DIS3L2: variants seen among roughly 807,000 people sequenced by gnomAD.
DIS3L2 encodes the protein DIS3 like 3'-5' exoribonuclease 2.
Under a neutral mutation model 97.5 loss-of-function variants are expected in DIS3L2, and 34 were observed. The ratio of observed to expected loss-of-function variants is 0.35; its 90% CI spans 0.27 to 0.46. The LOEUF (loss-of-function observed/expected upper bound fraction) is 0.46, where lower values mean the gene tolerates loss of function less well. DIS3L2 is among the 20% of genes least tolerant of loss of function. The pLI, the probability that DIS3L2 is intolerant of heterozygous loss-of-function variation, is 1.00. For synonymous variants in DIS3L2, 435 were observed against 445.2 expected (o/e 0.98, Z 0.29); for missense variants, 1,038 against 1,146.0 (o/e 0.91, Z 1.36).
At chr2:232,290,983 C>T (rs776782545) in intron 13 of DIS3L2, among the ~76,000 whole-genome samples, 10 of 152,256 alleles carry the variant, frequency 6.6e-5, no homozygotes, top group East Asian at 1.9e-4. Context: ...TGAAGTTGAG[C>T]GTCAGGACTG....
At chr2:232,146,675 TG>T (rs1690224763) in intron 8 of DIS3L2, among the ~76,000 whole-genome samples, 1 of 152,192 alleles carries the variant, frequency 6.6e-6, no homozygotes, top group Non-Finnish European at 1.5e-5. Context: ...GGCCATACAC[TG>T]AATTTATTAG....
chr2:232,237,010 A>G, intron 10 of DIS3L2, among the ~76,000 whole-genome samples: 1 of 152,148 alleles, frequency 6.6e-6, no homozygotes, highest in East Asian at 1.9e-4. Flanking sequence ...TTGACCTCCC[A>G]AAGTGCTGGG....
At chr2:232,130,121 T>G (rs142989063) in intron 6 of DIS3L2, among the ~76,000 whole-genome samples, 2 of 152,212 alleles carry the variant, frequency 1.3e-5, no homozygotes, top group Non-Finnish European at 2.9e-5. Context: ...AAATCAGGGT[T>G]GGGTTTTTAA....
At chr2:232,341,333 A>G (rs982013636), downstream of DIS3L2, among the ~76,000 whole-genome samples, 3 of 152,200 alleles carry the variant, frequency 2.0e-5, no homozygotes, top group African/African-American at 7.2e-5. Flanking sequence ...GTAGAGTGAC[A>G]TGGATAGAAA....
chr2:232,229,730 G>C (rs965665807), intron 10 of DIS3L2, among the ~76,000 whole-genome samples: 5 of 152,236 alleles, frequency 3.3e-5, no homozygotes, highest in Non-Finnish European at 5.9e-5. Flanking sequence ...TGTGTGGGCA[G>C]TTTAGTTGAG....
intron 1 of DIS3L2, among the ~76,000 whole-genome samples, chr2:231,974,670 G>A (rs1353723501): frequency 6.6e-6 from 1 of 150,878 alleles, no homozygotes; most frequent in Non-Finnish European, 1.5e-5. Flanking sequence ...TAAGGTATAT[G>A]TATTTATTTA....
At chr2:232,273,907 A>G (rs887570545) in intron 13 of DIS3L2, among the ~76,000 whole-genome samples, 3 of 152,226 alleles carry the variant, frequency 2.0e-5, no homozygotes, top group Admixed American at 1.3e-4. Context: ...CGATTTGTGT[A>G]TCAAGGTGGC....
In DIS3L2 at chr2:232,343,462, GA is replaced by G; in HGVS notation, c.1700del (p.Asp567AlafsTer26). The G allele has an allele frequency of 1.9e-6, 3 of 1,556,072 alleles. No homozygotes were observed. The South Asian group carries it at 3.6e-5, about 18-fold the overall frequency. ...CCTGCCTGAGACTCGGGGCATATGT[GA>G]CAGGGATCCAGACACACGACTGTTT... On this transcript the variant is annotated frameshift_variant, in exon 14 of 14. Transcript: ENST00000273009. LOFTEE classifies it high-confidence loss of function.
intron 1 of DIS3L2, among the ~76,000 whole-genome samples, chr2:231,970,021 C>G (rs1221226165): frequency 1.3e-5 from 2 of 151,976 alleles, no homozygotes; most frequent in Non-Finnish European, 2.9e-5. Flanking sequence ...CTGTGGTTCA[C>G]AGTAGCCTTG....
At chr2:232,003,582 CATTTCCCTTT>C (rs1693966265) in intron 1 of DIS3L2, among the ~76,000 whole-genome samples, 1 of 152,166 alleles carries the variant, frequency 6.6e-6, no homozygotes, top group Non-Finnish European at 1.5e-5. Flanking sequence ...GCTCTGGTAT[CATTTCCCTTT>C]AGCCTGAAGA....
Position 232,142,817 on chromosome 2 carries a change from G to A in DIS3L2, c.950+6098G>A, listed in dbSNP as rs116568746. Among the ~76,000 whole-genome samples the A allele has an allele frequency of 1.7e-3, 261 of 152,156 alleles. 2 individuals are homozygous for A. The highest frequency in any genetic ancestry group is 3.0e-3 in the Non-Finnish European group (201 of 67,972). On this transcript the variant is annotated intron_variant, in intron 8 of 20. Transcript: ENST00000325385. ...AAGACAAGTGTATTTGCCACACTTCGTTTTTACTTTGTATTGTTGGAAGTT... is the reference window on the plus strand; with the variant it reads ...AAGACAAGTGTATTTGCCACACTTCATTTTTACTTTGTATTGTTGGAAGTT...
intron 6 of DIS3L2, among the ~76,000 whole-genome samples, chr2:232,092,109 A>G (rs901172806): frequency 1.3e-5 from 2 of 152,224 alleles, no homozygotes; most frequent in Non-Finnish European, 2.9e-5. Flanking sequence ...ATTCTTCTGC[A>G]TATGGATATC....
intron 10 of DIS3L2, among the ~76,000 whole-genome samples, chr2:232,211,518 T>A (rs925610763): frequency 4.6e-5 from 7 of 152,212 alleles, no homozygotes; most frequent in Non-Finnish European, 7.3e-5. Context: ...CTCTCTAGGG[T>A]GGCTTCTGGG....
intron 6 of DIS3L2, among the ~76,000 whole-genome samples, chr2:232,101,524 A>G (rs1009078065): frequency 6.6e-6 from 1 of 152,234 alleles, no homozygotes; most frequent in East Asian, 1.9e-4. Context: ...AATTCTCATT[A>G]CATTAGTTAA....
At chr2:231,997,409 T>C (rs1693760066) in intron 1 of DIS3L2, among the ~76,000 whole-genome samples, 1 of 152,246 alleles carries the variant, frequency 6.6e-6, no homozygotes, top group South Asian at 2.1e-4. Flanking sequence ...CTGACATAAC[T>C]CTCATTTGAG....
intron 11 of DIS3L2, among the ~76,000 whole-genome samples, chr2:232,245,874 GT>G (rs898619943): frequency 4.6e-5 from 7 of 151,992 alleles, no homozygotes; most frequent in Admixed American, 3.9e-4. Context: ...TGTTTATGAA[GT>G]TTTTTTTGTC....
intron 13 of DIS3L2, among the ~76,000 whole-genome samples, chr2:232,289,207 G>A (rs1011562081): frequency 3.3e-5 from 5 of 151,540 alleles, no homozygotes; most frequent in Admixed American, 1.3e-4. Context: ...AGTGGACAGC[G>A]TTTGCATTTT....
chr2:232,026,780 G>A (rs1317870718), intron 4 of DIS3L2, among the ~76,000 whole-genome samples: 4 of 152,116 alleles, frequency 2.6e-5, no homozygotes. Context: ...AGAAAGCTAA[G>A]ACACAAAAGC....
At chr2:232,298,275 T>A (rs1367060103) in intron 13 of DIS3L2, among the ~76,000 whole-genome samples, 1 of 152,220 alleles carries the variant, frequency 6.6e-6, no homozygotes, top group Non-Finnish European at 1.5e-5. Flanking sequence ...ACATTTCTGA[T>A]GATTTTTCTA....
Sources: gnomAD v4.1 joint callset for allele counts (sites outside exome capture counted in the v4.1 genomes callset) on GRCh38, gnomAD v4.1.1 for gene constraint, MANE v1.5 for transcripts, NCBI Gene and HGNC (gene_info 2026-07-23, HGNC 2026-07-21) for gene names.